The following ANXA1 variants were observed in gnomAD, a reference collection of about 807,000 sequenced individuals.
ANXA1 encodes the protein annexin A1.
In ANXA1, 39 loss-of-function variants were observed where a neutral mutation model predicts 47.9. That is an observed-to-expected ratio of 0.81 (90% CI 0.63 to 1.06). ANXA1 has a LOEUF of 1.06. Among genes scored for constraint, ANXA1 ranks in the 50% least tolerant of loss-of-function variants. The pLI, the probability that ANXA1 is intolerant of heterozygous loss-of-function variation, is 0.00. For missense variants in ANXA1, 446 were observed against 422.7 expected (o/e 1.06, Z -0.48); for synonymous variants, 146 against 142.5 (o/e 1.02, Z -0.17).
chr9:73,156,103 G>GAAT lies in ANXA1; in HGVS notation c.-14-2398_-14-2396dup, dbSNP rs370412684. Among the ~76,000 whole-genome samples, 21 of 140,130 alleles carry GAAT rather than the reference G, an allele frequency of 1.5e-4. No homozygotes were observed. The South Asian group carries it at 1.8e-3, about 12-fold the overall frequency. The allele number at this position is 140,130 out of a possible 152,430, so 91.9% of individuals were successfully genotyped here. ...TTTTATTTGCTAATTGAAAAGAATG[G>GAAT]AATAATAATAATAATAATAATAAAT... On this transcript the variant is annotated intron_variant, in intron 1 of 12. Transcript: ENST00000257497.
chr9:73,152,970 A>T (rs1203330265), intron 1 of ANXA1, among the ~76,000 whole-genome samples: 1 of 152,226 alleles, frequency 6.6e-6, no homozygotes, highest in East Asian at 1.9e-4. Flanking sequence ...AAAAGATTGT[A>T]AAAACTTTGA....
chr9:73,169,944 G>A, intron 12 of ANXA1, 107 bp from the exon 13 acceptor site: 2 of 681,076 alleles, frequency 2.9e-6, no homozygotes, highest in Non-Finnish European at 4.7e-6. Flanking sequence ...ATGGTAATGT[G>A]TAATCTCATC....
intron 1 of ANXA1, 60 bp from the exon 2 acceptor site, chr9:73,158,462 A>C (rs1824083985): frequency 7.8e-7 from 1 of 1,289,178 alleles, no homozygotes; most frequent in Admixed American, 1.7e-5. Flanking sequence ...AGAGGTGAGG[A>C]AGGAGAGGTT....
chr9:73,160,831 T>C lies in ANXA1; in HGVS notation c.413T>C (p.Ile138Thr), dbSNP rs1472060869. 1.9e-6 allele frequency: 3 copies of C among 1,612,770 alleles called. No individual in the cohort carries two copies. The highest frequency in any genetic ancestry group is 1.7e-5 in the Admixed American group (1 of 59,942). Residue 138 changes from isoleucine (I) to threonine (T), a missense_variant, in exon 6 of 13, where the codon ATT (isoleucine) becomes ACT (threonine). Ile to Thr is a moderately conservative substitution (Grantham distance 89). Coordinates refer to ENST00000257497, the MANE Select transcript of ANXA1 (RefSeq NM_000700.3). ...CTTGGAACTGATGAAGATACTCTAA[T>C]TGAGATTTTGGCATCAAGAACTAAC... ...KGLGTDEDTLIEILASRTNKE... is the reference protein window; with the variant it reads ...KGLGTDEDTLTEILASRTNKE...
chr9:73,166,737 T>C (rs1824236144), intron 10 of ANXA1, among the ~76,000 whole-genome samples: 1 of 152,146 alleles, frequency 6.6e-6, no homozygotes, highest in South Asian at 2.1e-4. Context: ...TTGAATCCCC[T>C]GGAAAGCTTG....
intron 1 of ANXA1, among the ~76,000 whole-genome samples, chr9:73,154,932 T>C (rs1287652896): frequency 6.6e-6 from 1 of 152,188 alleles, no homozygotes; most frequent in Non-Finnish European, 1.5e-5. Context: ...TAGTTCTAGA[T>C]TGTAACCAGG....
chr9:73,160,910 A>G lies in ANXA1; in HGVS notation c.475+17A>G. The G allele has an allele frequency of 6.7e-7, 1 of 1,495,564 alleles. No homozygotes were observed. The highest frequency in any genetic ancestry group is 9.3e-7 in the Non-Finnish European group (1 of 1,074,508). The allele number at this position is 1,495,564 out of a possible 1,614,324, so 92.6% of individuals were successfully genotyped here. Reference sequence around the variant, plus strand: ...ACAGAGAGGGTAAGTTGTAATGTCCAACAGTCCAAACGCCTTATTTGAAAA... The same window carrying G: ...ACAGAGAGGGTAAGTTGTAATGTCCGACAGTCCAAACGCCTTATTTGAAAA... On this transcript the variant is annotated intron_variant, in intron 6 of 12. Coordinates refer to ENST00000257497, the MANE Select transcript of ANXA1 (RefSeq NM_000700.3).
chr9:73,168,947 G>A (rs1197527095), intron 11 of ANXA1, 85 bp from the exon 12 acceptor site: 1 of 1,337,496 alleles, frequency 7.5e-7, no homozygotes, highest in African/African-American at 1.5e-5. Flanking sequence ...ATATGGAAGA[G>A]TAAGAAGGCT....
Position 73,159,942 on chromosome 9 carries a change from A to C in ANXA1, c.271-321A>C, listed in dbSNP as rs964085998. 1.9e-4 allele frequency: 34 copies of C among 181,288 alleles called. 1 individual carries two copies. The highest frequency in any genetic ancestry group is 1.5e-4 in the Non-Finnish European group (13 of 87,916). 11.2% of individuals were successfully genotyped at this position (181,288 alleles called of 1,614,324 possible). A position where few individuals can be genotyped will look rare whatever the true frequency, so the allele number is the denominator to read the frequency against. ...ACATGAATATATTATTTTAAAAGTAATTTTACTTCTGTTTTCTGTTAGCAC... is the reference window on the plus strand; with the variant it reads ...ACATGAATATATTATTTTAAAAGTACTTTTACTTCTGTTTTCTGTTAGCAC... On this transcript the variant is annotated intron_variant, in intron 4 of 12. Transcript: ENST00000257497.
At chr9:73,156,619 A>AT in intron 1 of ANXA1, among the ~76,000 whole-genome samples, 1 of 152,326 alleles carries the variant, frequency 6.6e-6, no homozygotes, top group African/African-American at 2.4e-5. Flanking sequence ...TTCTTCATGC[A>AT]TTCAGTGTTA....
chr9:73,152,889 A>G (rs1823993360), intron 1 of ANXA1, among the ~76,000 whole-genome samples: 2 of 152,144 alleles, frequency 1.3e-5, no homozygotes, highest in African/African-American at 2.4e-5. Flanking sequence ...TATTTATTAA[A>G]TGTTCTGATT....
intron 4 of ANXA1, chr9:73,159,634 T>C (rs1354235970): frequency 1.2e-5 from 5 of 409,300 alleles, no homozygotes; most frequent in African/African-American, 6.1e-5. Context: ...TTGGTGTATA[T>C]TGTTTGCAGA....
chr9:73,155,951 A>AT (rs1563960729), intron 1 of ANXA1, among the ~76,000 whole-genome samples: 2 of 145,826 alleles, frequency 1.4e-5, no homozygotes, highest in Admixed American at 6.8e-5. Flanking sequence ...TTATTCAAGT[A>AT]TTTTTTAGAA....
In ANXA1 at chr9:73,158,745, T is replaced by C; in HGVS notation, c.117T>C (p.Tyr39=). ...GTCCCGGATCAGCGGTGAGCCCCTATCCTACCTTCAATCCATCCTCGGATG... is the reference window on the plus strand; with the variant it reads ...GTCCCGGATCAGCGGTGAGCCCCTACCCTACCTTCAATCCATCCTCGGATG... The part of the protein sequence containing the change: ...KGGPGSAVSP[Y]PTFNPSSDVA... The change falls in exon 3 of 13, where the codon TAT becomes TAC. Residue 39 remains tyrosine (Y), a synonymous_variant. Transcript: ENST00000257497. 1 of 1,613,904 alleles carries C rather than the reference T, an allele frequency of 6.2e-7. No homozygotes were observed. The highest frequency in any genetic ancestry group is 8.5e-7 in the Non-Finnish European group (1 of 1,179,872).
chr9:73,153,394 CT>C (rs1412030624), intron 1 of ANXA1, among the ~76,000 whole-genome samples: 1 of 152,068 alleles, frequency 6.6e-6, no homozygotes, highest in Non-Finnish European at 1.5e-5. Flanking sequence ...TTTCCTTTTC[CT>C]TTAAAATTGG....
At chr9:73,166,322 T>C in intron 10 of ANXA1, 130 bp downstream of exon 10, 1 of 638,870 alleles carries the variant, frequency 1.6e-6, no homozygotes, top group Non-Finnish European at 2.7e-6. Flanking sequence ...GTAGTGCATC[T>C]GTTTCAATTG....
chr9:73,161,976 C>T (rs927294428), intron 6 of ANXA1, among the ~76,000 whole-genome samples: 3 of 152,114 alleles, frequency 2.0e-5, no homozygotes, highest in Admixed American at 6.6e-5. Flanking sequence ...ATGGGACCAG[C>T]GTCTGCTTTT....
At chr9:73,167,288 G>T (rs546167478) in intron 10 of ANXA1, among the ~76,000 whole-genome samples, 1 of 152,036 alleles carries the variant, frequency 6.6e-6, no homozygotes, top group Non-Finnish European at 1.5e-5. Context: ...AAAATTGATC[G>T]TCAGGGAAAA....
intron 8 of ANXA1, among the ~76,000 whole-genome samples, chr9:73,164,701 A>G (rs1006536178): frequency 6.6e-6 from 1 of 152,188 alleles, no homozygotes; most frequent in Non-Finnish European, 1.5e-5. Context: ...GAATTTGAAT[A>G]CAGAAATTCT....
Sources: gnomAD v4.1 joint callset for allele counts (sites outside exome capture counted in the v4.1 genomes callset) on GRCh38, gnomAD v4.1.1 for gene constraint, MANE v1.5 for transcripts, NCBI Gene and HGNC (gene_info 2026-07-23, HGNC 2026-07-21) for gene names.